Variants in ACTR2 observed in about 807,000 individuals in gnomAD.
ACTR2 encodes the protein actin-related protein 2.
A neutral mutation model predicts 50.2 loss-of-function variants in ACTR2; 5 were observed. The observed-to-expected ratio is 0.10, with a 90% CI of 0.05 to 0.21. The LOEUF (loss-of-function observed/expected upper bound fraction) is 0.21. Ranked by LOEUF, ACTR2 falls within the 10% of genes least tolerant of loss-of-function variation. The probability of loss-of-function intolerance (pLI) is 1.00; values close to 1 mark genes in which losing one functional copy is unlikely to be tolerated. For missense variants in ACTR2, 180 were observed against 480.6 expected, an observed-to-expected ratio of 0.37 and a Z score of 5.85; for synonymous variants, 140 against 162.9, an observed-to-expected ratio of 0.86 and a Z score of 1.07.
chr2:65,260,382 T>C (rs921725293), intron 6 of ACTR2, among the ~76,000 whole-genome samples: 1 of 152,152 alleles, frequency 6.6e-6, no homozygotes, highest in Non-Finnish European at 1.5e-5. Context: ...GGCACATGCC[T>C]GTAATCCGAG....
chr2:65,266,855 C>A (rs1672381112), intron 8 of ACTR2, among the ~76,000 whole-genome samples: 1 of 152,142 alleles, frequency 6.6e-6, no homozygotes, highest in Admixed American at 6.5e-5. Flanking sequence ...TTGTTTCTTT[C>A]CTATCTTGTT....
At chr2:65,250,672 CAAAAAAAAAA>C (rs368589131) in intron 3 of ACTR2, among the ~76,000 whole-genome samples, 1 of 84,904 alleles carries the variant, frequency 1.2e-5, no homozygotes, top group African/African-American at 5.1e-5. Context: ...GACTTCATCT[CAAAAAAAAAA>C]AAAAAAAAAA....
At chr2:65,244,373 C>T (rs983986060) in intron 2 of ACTR2, among the ~76,000 whole-genome samples, 30 of 152,078 alleles carry the variant, frequency 2.0e-4, no homozygotes, top group Admixed American at 3.9e-4. Context: ...ATAGATTTCC[C>T]CCCTAACATT....
rs149575973 is a variant in ACTR2, at chr2:65,265,590, A to G, written c.1014+415A>G. ...ATATTTCTGACTTTATTTGTTGCAT[A>G]TGTTGTCTTCTCAGTCAGATTGAAA... is the stretch of plus-strand genomic sequence containing the variant. On this transcript the variant is annotated intron_variant, in intron 8 of 8. Coordinates refer to ENST00000260641, the MANE Select transcript of ACTR2 (RefSeq NM_005722.4). 3.9e-5 allele frequency among the ~76,000 whole-genome samples: 6 copies of G among 152,312 alleles called. No homozygotes were observed. The East Asian group carries it at 1.2e-3, about 29-fold the overall frequency.
In ACTR2 at chr2:65,244,723, G is replaced by A. The variant is rs559519055; in HGVS notation, c.160-1801G>A. ...AGCACTTTGGGAGGCTGAGGTGGGC[G>A]GATCCCTTGAGCCCAGGAGTTCAAG... On this transcript the variant is annotated intron_variant, in intron 2 of 8. Coordinates refer to ENST00000260641, the MANE Select transcript of ACTR2 (RefSeq NM_005722.4). Among the ~76,000 whole-genome samples the A allele has an allele frequency of 3.9e-5, 6 of 152,146 alleles. No individual in the cohort carries two copies. In the South Asian group the frequency reaches 6.2e-4, roughly 16 times the overall value.
Position 65,265,026 on chromosome 2 carries a change from C to A in ACTR2, c.882-17C>A. The A allele has an allele frequency of 1.9e-6, 3 of 1,613,966 alleles. No individual in the cohort carries two copies. Among genetic ancestry groups the A allele is most frequent in the Non-Finnish European group, 2.5e-6 (3 of 1,179,904 alleles). ...CTAACCTAAAACTCCAAATGAATAA[C>A]CATTGTGCCTTTCTAGATCTGAATT... On this transcript the variant is annotated splice_polypyrimidine_tract_variant and intron_variant, in intron 7 of 8. Coordinates refer to ENST00000260641, the MANE Select transcript of ACTR2 (RefSeq NM_005722.4).
chr2:65,270,665 G>C lies in ACTR2; in HGVS notation c.*1931G>C, dbSNP rs947470263. 16 of 152,168 alleles carry C rather than the reference G, an allele frequency of 1.1e-4. No homozygotes were observed. The highest frequency in any genetic ancestry group is 3.9e-4 in the African/African-American group (16 of 41,436). 9.4% of individuals were successfully genotyped at this position (152,168 alleles called of 1,614,324 possible). On this transcript the variant is annotated 3_prime_UTR_variant, in exon 9 of 9. Coordinates refer to ENST00000260641, the MANE Select transcript of ACTR2 (RefSeq NM_005722.4). ...GTAGAAAACAACAAAGAATGGAATG[G>C]ACTCTTAAAACAATGAAAGAGCATT...
At chr2:65,262,987 G>A (rs527523607) in intron 7 of ACTR2, among the ~76,000 whole-genome samples, 2 of 131,468 alleles carry the variant, frequency 1.5e-5, no homozygotes, top group South Asian at 5.2e-4. Context: ...ACAAAAGAAA[G>A]TTCCTAAAAA....
intron 1 of ACTR2, among the ~76,000 whole-genome samples, chr2:65,229,256 C>G (rs1341592754): frequency 6.6e-6 from 1 of 152,152 alleles, no homozygotes; most frequent in African/African-American, 2.4e-5. Context: ...GTTTTCTCCC[C>G]TCCCTCCCAT....
At chr2:65,236,691 A>G (rs1027709841) in intron 1 of ACTR2, among the ~76,000 whole-genome samples, 1 of 151,772 alleles carries the variant, frequency 6.6e-6, no homozygotes, top group Non-Finnish European at 1.5e-5. Flanking sequence ...AGTGATTCTC[A>G]TACCTCAGCC....
At chr2:65,245,725 A>G (rs1034236268) in intron 2 of ACTR2, among the ~76,000 whole-genome samples, 4 of 152,200 alleles carry the variant, frequency 2.6e-5, no homozygotes, top group Non-Finnish European at 4.4e-5. Context: ...TACTTATTAT[A>G]TATAGAAAAT....
chr2:65,261,899 G>A (rs1343526690), intron 7 of ACTR2, among the ~76,000 whole-genome samples: 2 of 152,158 alleles, frequency 1.3e-5, no homozygotes, highest in South Asian at 4.1e-4. Context: ...GCCAGTATTC[G>A]TTACCTTTCC....
rs917014799 is a variant in ACTR2 at position 65,238,964 on chromosome 2, G to A, written c.49-888G>A. Among the ~76,000 whole-genome samples the A allele has an allele frequency of 5.3e-5, 8 of 152,078 alleles. No individual in the cohort carries two copies. The East Asian group carries it at 5.8e-4, about 11-fold the overall frequency. Reference sequence around the variant, plus strand: ...GCCTGGGCGACAAGAGTGAAACTCCGTCTCAAAGAAATAAATAGCCAAAAA... The same window carrying A: ...GCCTGGGCGACAAGAGTGAAACTCCATCTCAAAGAAATAAATAGCCAAAAA... On this transcript the variant is annotated intron_variant, in intron 1 of 8. Transcript: ENST00000260641.
intron 2 of ACTR2, among the ~76,000 whole-genome samples, chr2:65,242,263 A>G (rs930025036): frequency 1.9e-4 from 29 of 152,304 alleles, no homozygotes; most frequent in Middle Eastern, 3.4e-3. Flanking sequence ...ATTGCGTACA[A>G]TGGACCAAAC....
At chr2:65,258,791 C>T (rs1372175550) in intron 6 of ACTR2, among the ~76,000 whole-genome samples, 1 of 152,090 alleles carries the variant, frequency 6.6e-6, no homozygotes, top group Non-Finnish European at 1.5e-5. Context: ...TGACCCCATG[C>T]TGGCCAGCAG....
At chr2:65,263,668 A>G (rs1454117099) in intron 7 of ACTR2, among the ~76,000 whole-genome samples, 1 of 152,214 alleles carries the variant, frequency 6.6e-6, no homozygotes, top group Non-Finnish European at 1.5e-5. Context: ...AGCCTTCATA[A>G]TTATGGTAAA....
At chr2:65,229,757 A>G (rs1259004494) in intron 1 of ACTR2, among the ~76,000 whole-genome samples, 1 of 149,738 alleles carries the variant, frequency 6.7e-6, no homozygotes, top group East Asian at 1.9e-4. Context: ...TCTCAAAAAA[A>G]AAAAAAAAAA....
intron 6 of ACTR2, among the ~76,000 whole-genome samples, chr2:65,256,432 C>G (rs1354758266): frequency 1.3e-5 from 2 of 152,102 alleles, no homozygotes; most frequent in Non-Finnish European, 2.9e-5. Context: ...GTATAAAGTA[C>G]TTCCAGGTCT....
At chr2:65,255,175 G>A (rs996404294) in intron 5 of ACTR2, among the ~76,000 whole-genome samples, 5 of 152,052 alleles carry the variant, frequency 3.3e-5, no homozygotes, top group Non-Finnish European at 5.9e-5. Context: ...CATAAATATG[G>A]CATTAATTGT....
Sources: gnomAD v4.1 joint callset for allele counts (sites outside exome capture counted in the v4.1 genomes callset) on GRCh38, gnomAD v4.1.1 for gene constraint, MANE v1.5 for transcripts, NCBI Gene and HGNC (gene_info 2026-07-23, HGNC 2026-07-21) for gene names.